The following ANKS1B variants were observed in gnomAD, a reference collection of about 807,000 sequenced individuals.
The protein encoded by ANKS1B is ankyrin repeat and sterile alpha motif domain-containing protein 1B.
A neutral mutation model predicts 148.3 loss-of-function variants in ANKS1B; 36 were observed. The ratio of observed to expected loss-of-function variants is 0.24; its 90% CI spans 0.19 to 0.32. The LOEUF (loss-of-function observed/expected upper bound fraction) is 0.32, where lower values mean the gene tolerates loss of function less well. ANKS1B is among the 10% of genes least tolerant of loss of function. The pLI is 1.00. For missense variants in ANKS1B, 1,157 were observed against 1,542.6 expected (o/e 0.75, Z 4.19); for synonymous variants, 542 against 560.8 (o/e 0.97, Z 0.47).
At chr12:99,336,865 T>G (rs1367548683) in intron 12 of ANKS1B, among the ~76,000 whole-genome samples, 1 of 151,842 alleles carries the variant, frequency 6.6e-6, no homozygotes, top group African/African-American at 2.4e-5. Context: ...CTGAGAAGTC[T>G]GCTGCCAGGC....
chr12:98,787,192 G>C (rs2098803055), intron 22 of ANKS1B, among the ~76,000 whole-genome samples: 1 of 152,178 alleles, frequency 6.6e-6, no homozygotes, highest in Non-Finnish European at 1.5e-5. Flanking sequence ...AAACTAGCTA[G>C]GTTGTGGGAT....
At chr12:99,752,068 A>G (rs957611882) in intron 8 of ANKS1B, among the ~76,000 whole-genome samples, 1 of 152,010 alleles carries the variant, frequency 6.6e-6, no homozygotes, top group Non-Finnish European at 1.5e-5. Context: ...AAATAGGAGC[A>G]AGTTCATGAC....
chr12:98,852,500 T>C (rs2099535082), intron 17 of ANKS1B, among the ~76,000 whole-genome samples: 1 of 152,122 alleles, frequency 6.6e-6, no homozygotes, highest in African/African-American at 2.4e-5. Flanking sequence ...AGTACTACTT[T>C]CTATGCATCT....
At chr12:99,780,901 A>T (rs1245731842) in intron 5 of ANKS1B, among the ~76,000 whole-genome samples, 1 of 152,202 alleles carries the variant, frequency 6.6e-6, no homozygotes, top group East Asian at 1.9e-4. Context: ...TGTCAGTCAC[A>T]CTAATCATCC....
intron 9 of ANKS1B, among the ~76,000 whole-genome samples, chr12:98,738,584 GT>G (rs1438284617): frequency 6.6e-6 from 1 of 152,178 alleles, no homozygotes; most frequent in Admixed American, 6.5e-5. Context: ...TGCAGCTTCA[GT>G]TTTTAGATAG....
In ANKS1B at chr12:99,700,484, A is replaced by G. The variant is rs368219887; in HGVS notation, c.1129-45274T>C. ...TACACACTGTGGCTGTACCTTTTGC[A>G]GTTTGAGGTGCAACAACAAAGCGAG... On this transcript the variant is annotated intron_variant, in intron 8 of 26. Transcript: ENST00000683438. Among the ~76,000 whole-genome samples, 126 of 152,296 alleles carry G rather than the reference A, an allele frequency of 8.3e-4. 1 individual carries two copies. Among genetic ancestry groups the G allele is most frequent in the African/African-American group, 2.8e-3 (117 of 41,570 alleles).
At chr12:99,893,376 A>G (rs1283434693) in intron 1 of ANKS1B, among the ~76,000 whole-genome samples, 1 of 148,686 alleles carries the variant, frequency 6.7e-6, no homozygotes, top group Non-Finnish European at 1.5e-5. Context: ...GCGCCACTGC[A>G]CTCCAGCCTG....
chr12:99,488,511 A>ATTAAGTACCT (rs1167359730), intron 10 of ANKS1B, among the ~76,000 whole-genome samples: 1 of 152,250 alleles, frequency 6.6e-6, no homozygotes, highest in Non-Finnish European at 1.5e-5. Flanking sequence ...AATAAAAATT[A>ATTAAGTACCT]TTAAGTACCT....
intron 3 of ANKS1B, among the ~76,000 whole-genome samples, chr12:99,808,293 C>A (rs1243536262): frequency 6.6e-6 from 1 of 151,954 alleles, no homozygotes; most frequent in Non-Finnish European, 1.5e-5. Flanking sequence ...TAGAAGAATG[C>A]AAGTAAGTTG....
intron 17 of ANKS1B, among the ~76,000 whole-genome samples, chr12:98,992,926 C>T (rs1474938971): frequency 4.8e-5 from 7 of 146,926 alleles, no homozygotes; most frequent in Admixed American, 1.4e-4. Context: ...CAAGTAGTTT[C>T]TGAAGTTTCT....
chr12:99,969,950 A>G (rs182037735), intron 1 of ANKS1B, among the ~76,000 whole-genome samples: 141 of 152,152 alleles, frequency 9.3e-4, no homozygotes, highest in Non-Finnish European at 1.7e-3. Context: ...ACATTGCAAG[A>G]CTTGTAAAGA....
chr12:99,528,432 CAAAAAAAAA>C (rs537716638), intron 9 of ANKS1B, among the ~76,000 whole-genome samples: 1 of 96,692 alleles, frequency 1.0e-5, no homozygotes, highest in African/African-American at 4.1e-5. Context: ...AAAACAAAAA[CAAAAAAAAA>C]AACAAAAAAA....
intron 19 of ANKS1B, among the ~76,000 whole-genome samples, chr12:98,826,138 T>C (rs2099246983): frequency 6.6e-6 from 1 of 152,234 alleles, no homozygotes; most frequent in Admixed American, 6.5e-5. Context: ...ATCATTCAGA[T>C]GTATTTATAT....
intron 4 of ANKS1B, among the ~76,000 whole-genome samples, chr12:99,787,111 T>G (rs181249357): frequency 0.026 from 3,993 of 152,302 alleles, 178 homozygotes; most frequent in African/African-American, 0.091. Context: ...TTAAACTGGA[T>G]GATAGATTTT....
intron 8 of ANKS1B, among the ~76,000 whole-genome samples, chr12:99,704,692 A>AT (rs1395005836): frequency 1.3e-5 from 2 of 152,098 alleles, no homozygotes; most frequent in Admixed American, 6.6e-5. Context: ...TAATATTGGC[A>AT]TTCCCAAGCC....
intron 12 of ANKS1B, among the ~76,000 whole-genome samples, chr12:99,315,658 G>A (rs2083940932): frequency 6.6e-6 from 1 of 152,026 alleles, no homozygotes; most frequent in African/African-American, 2.4e-5. Context: ...AGTCATGCAA[G>A]CACAACCACT....
chr12:98,886,361 G>A (rs912589183), intron 17 of ANKS1B, among the ~76,000 whole-genome samples: 1 of 152,086 alleles, frequency 6.6e-6, no homozygotes, highest in African/African-American at 2.4e-5. Flanking sequence ...ACAGAAGAAA[G>A]GACCCAGGTA....
chr12:99,275,552 A>G (rs1168298529), intron 12 of ANKS1B, among the ~76,000 whole-genome samples: 1 of 152,194 alleles, frequency 6.6e-6, no homozygotes, highest in Non-Finnish European at 1.5e-5. Context: ...ATAGTACTCT[A>G]TTGTGCATAT....
chr12:99,540,704 G>T (rs573311505), intron 9 of ANKS1B, among the ~76,000 whole-genome samples: 1 of 151,846 alleles, frequency 6.6e-6, no homozygotes, highest in East Asian at 1.9e-4. Flanking sequence ...TTTTTAAAAA[G>T]ACATAAGTCA....
Sources: gnomAD v4.1 joint callset for allele counts (sites outside exome capture counted in the v4.1 genomes callset) on GRCh38, gnomAD v4.1.1 for gene constraint, MANE v1.5 for transcripts, NCBI Gene and HGNC (gene_info 2026-07-23, HGNC 2026-07-21) for gene names.